Variants in SPNS3 observed in about 807,000 individuals in gnomAD.
The protein encoded by SPNS3 is protein spinster homolog 3.
SPNS3 carries 51 observed loss-of-function variants against 54.4 expected under a neutral mutation model. That is an observed-to-expected ratio of 0.94 (90% CI 0.75 to 1.18). SPNS3 has a LOEUF of 1.18. Ranked by LOEUF, SPNS3 falls within the 50% of genes most tolerant of loss-of-function variation. The pLI is 0.00. For missense variants in SPNS3, 669 were observed against 677.4 expected, an observed-to-expected ratio of 0.99 and a Z score of 0.14; for synonymous variants, 309 against 294.7, an observed-to-expected ratio of 1.05 and a Z score of -0.50.
intron 8 of SPNS3, among the ~76,000 whole-genome samples, chr17:4,453,505 C>A (rs1488267932): frequency 6.6e-6 from 1 of 152,142 alleles, no homozygotes; most frequent in Non-Finnish European, 1.5e-5. Flanking sequence ...ATAATCCCAG[C>A]TGCTTGGGAG....
At chr17:4,480,941 C>G (rs376074610) in intron 9 of SPNS3, among the ~76,000 whole-genome samples, 3 of 152,264 alleles carry the variant, frequency 2.0e-5, no homozygotes, top group African/African-American at 7.2e-5. Flanking sequence ...CCTTGTAGCC[C>G]CTATAGTTCG....
chr17:4,475,437 G>A (rs187035741), intron 8 of SPNS3, among the ~76,000 whole-genome samples: 164 of 152,352 alleles, frequency 1.1e-3, no homozygotes, highest in African/African-American at 3.8e-3. Flanking sequence ...AGGCAGATTC[G>A]AGGAACGTGC....
chr17:4,474,568 C>A (rs1277334014), intron 8 of SPNS3, among the ~76,000 whole-genome samples: 1 of 152,190 alleles, frequency 6.6e-6, no homozygotes, highest in African/African-American at 2.4e-5. Flanking sequence ...CCCCCGCCAC[C>A]CCACAGGGGC....
intron 11 of SPNS3, among the ~76,000 whole-genome samples, chr17:4,487,185 A>T (rs1400701468): frequency 6.0e-5 from 9 of 149,212 alleles, no homozygotes; most frequent in African/African-American, 2.2e-4. Context: ...AAAAAAAAAA[A>T]AAAAAAGGGA....
intron 8 of SPNS3, among the ~76,000 whole-genome samples, chr17:4,472,752 G>T (rs957628283): frequency 8.4e-6 from 1 of 118,430 alleles, no homozygotes; most frequent in Non-Finnish European, 1.7e-5. Flanking sequence ...CTACAGAATT[G>T]TCTGCTCTTT....
chr17:4,488,044 T>C lies in SPNS3; in HGVS notation c.*150T>C. 5 of 688,678 alleles carry C rather than the reference T, an allele frequency of 7.3e-6. No homozygotes were observed. The South Asian group carries it at 7.3e-5, about 10-fold the overall frequency. The allele number at this position is 688,678 out of a possible 1,614,324, so 42.7% of individuals were successfully genotyped here. ...CGGCTGGAGAGCTGGCAGGACCCTGTGGCTGGGCTGGGAATGGAGCTGTCA... is the reference window on the plus strand; with the variant it reads ...CGGCTGGAGAGCTGGCAGGACCCTGCGGCTGGGCTGGGAATGGAGCTGTCA... On this transcript the variant is annotated 3_prime_UTR_variant, in exon 12 of 12. Transcript: ENST00000355530.
intron 8 of SPNS3, among the ~76,000 whole-genome samples, chr17:4,461,887 G>A (rs1004412289): frequency 2.0e-5 from 3 of 152,082 alleles, no homozygotes; most frequent in African/African-American, 7.2e-5. Flanking sequence ...ATATCCAAGT[G>A]GAGGTGTTAG....
At chr17:4,461,361 C>CTTTTTTTTTTTTTTTTTTTTTTTTTTTT (rs55928003) in intron 8 of SPNS3, among the ~76,000 whole-genome samples, 16 of 33,418 alleles carry the variant, frequency 4.8e-4, no homozygotes, top group South Asian at 1.4e-3. Flanking sequence ...CTTTTCTTTT[C>CTTTTTTTTTTTTTTTTTTTTTTTTTTTT]TTTTTTTTTT....
intron 1 of SPNS3, among the ~76,000 whole-genome samples, chr17:4,435,761 T>C (rs939640041): frequency 3.9e-5 from 6 of 152,078 alleles, no homozygotes; most frequent in African/African-American, 1.4e-4. Context: ...CACTCACTCA[T>C]TCATTCATTC....
chr17:4,484,923 A>G (rs1972269729), intron 9 of SPNS3: 1 of 152,162 alleles, frequency 6.6e-6, no homozygotes, highest in Non-Finnish European at 1.5e-5. Flanking sequence ...TTTGTTGCCC[A>G]CACAACATAG....
chr17:4,458,312 CTTTT>C (rs1233942033), intron 8 of SPNS3, among the ~76,000 whole-genome samples: 1 of 151,896 alleles, frequency 6.6e-6, no homozygotes, highest in Non-Finnish European at 1.5e-5. Flanking sequence ...CTTTTTCTTT[CTTTT>C]CTTTTCTTTT....
intron 8 of SPNS3, among the ~76,000 whole-genome samples, chr17:4,458,566 C>G (rs539474733): frequency 9.2e-5 from 7 of 75,858 alleles, no homozygotes; most frequent in Non-Finnish European, 2.4e-4. Flanking sequence ...TCTTCCTTCC[C>G]TCCTTTCTTT....
intron 8 of SPNS3, among the ~76,000 whole-genome samples, chr17:4,468,343 C>T (rs1042892112): frequency 6.6e-6 from 1 of 152,082 alleles, no homozygotes; most frequent in East Asian, 1.9e-4. Context: ...AGAGAAATCA[C>T]TCCAGAGGAT....
chr17:4,435,087 C>T (rs914388343), intron 1 of SPNS3, among the ~76,000 whole-genome samples: 10 of 152,146 alleles, frequency 6.6e-5, no homozygotes, highest in African/African-American at 2.2e-4. Context: ...TAGGCATGAG[C>T]CCCTGCGCCC....
intron 9 of SPNS3, chr17:4,481,873 GCTCTCT>G (rs144206113): frequency 4.1e-5 from 3 of 73,900 alleles, no homozygotes; most frequent in African/African-American, 2.2e-4. Flanking sequence ...TTGGGACACT[GCTCTCT>G]CTCTCTCTTT....
At chr17:4,453,377 G>A (rs1376338773) in intron 8 of SPNS3, among the ~76,000 whole-genome samples, 172 bp downstream of exon 8, 5 of 152,154 alleles carry the variant, frequency 3.3e-5, no homozygotes, top group South Asian at 2.1e-4. Flanking sequence ...GGCTGGACGC[G>A]GTGGCTCATG....
intron 8 of SPNS3, among the ~76,000 whole-genome samples, chr17:4,457,266 C>T (rs1409757706): frequency 1.3e-5 from 2 of 152,148 alleles, no homozygotes; most frequent in Non-Finnish European, 2.9e-5. Context: ...GTGGCACATG[C>T]CTGTAGTCCC....
chr17:4,447,209 T>C (rs969431148), intron 5 of SPNS3, among the ~76,000 whole-genome samples: 9 of 152,196 alleles, frequency 5.9e-5, no homozygotes, highest in African/African-American at 2.2e-4. Flanking sequence ...CAGATCACCT[T>C]CTTCTTCAGA....
intron 2 of SPNS3, among the ~76,000 whole-genome samples, chr17:4,442,952 G>C (rs1597304152): frequency 2.6e-5 from 4 of 152,254 alleles, no homozygotes; most frequent in Admixed American, 2.6e-4. Context: ...TTTCCCCTTG[G>C]GAAGGGCATC....
Sources: allele counts gnomAD v4.1 joint callset (sites outside exome capture counted in the v4.1 genomes callset), GRCh38; gene constraint gnomAD v4.1.1; transcripts MANE v1.5; gene names NCBI Gene and HGNC (gene_info 2026-07-23, HGNC 2026-07-21).